The following CALD1 variants were observed in gnomAD, a reference collection of about 807,000 sequenced individuals.
CALD1 encodes the protein caldesmon 1, also known as caldesmon.
CALD1 carries 33 observed loss-of-function variants against 99.9 expected under a neutral mutation model. That is an observed-to-expected ratio of 0.33 (90% confidence interval 0.25 to 0.44). CALD1 has a LOEUF of 0.44. Among genes scored for constraint, CALD1 ranks in the 20% least tolerant of loss-of-function variants. The pLI is 1.00. For missense variants in CALD1, 861 were observed against 962.1 expected (o/e 0.89, Z 1.39); for synonymous variants, 310 against 325.0 (o/e 0.95, Z 0.50).
chr7:134,935,677 A>C lies in CALD1; in HGVS notation c.1309-11A>C. The C allele has an allele frequency of 1.9e-6, 3 of 1,602,544 alleles. No homozygotes were observed. Among genetic ancestry groups the C allele is most frequent in the Non-Finnish European group, 2.6e-6 (3 of 1,174,916 alleles). ...TACTTGTGTGACCTTACCATTCTTGAAAATAAAAAGGGAGAAGAGAAGGGA... is the reference window on the plus strand; with the variant it reads ...TACTTGTGTGACCTTACCATTCTTGCAAATAAAAAGGGAGAAGAGAAGGGA... On this transcript the variant is annotated splice_polypyrimidine_tract_variant and intron_variant, in intron 5 of 14. Transcript: ENST00000361675.
chr7:134,914,816 G>A (rs937069464), intron 3 of CALD1, among the ~76,000 whole-genome samples: 2 of 152,150 alleles, frequency 1.3e-5, no homozygotes, highest in Non-Finnish European at 2.9e-5. Context: ...TGATCCCTTA[G>A]CTGGAATTGC....
upstream of CALD1, among the ~76,000 whole-genome samples, chr7:134,776,262 T>C (rs537220572): frequency 3.3e-5 from 5 of 152,158 alleles, no homozygotes; most frequent in Non-Finnish European, 7.4e-5. Context: ...TTGCTATATA[T>C]TTCTGGTAAA....
chr7:134,870,266 A>G (rs551888560), intron 3 of CALD1, among the ~76,000 whole-genome samples: 25 of 152,270 alleles, frequency 1.6e-4, no homozygotes, highest in African/African-American at 5.8e-4. Context: ...GAGGCTCAGG[A>G]CTGAGGATGT....
At chr7:134,936,220 T>C (rs1805961889) in intron 6 of CALD1, among the ~76,000 whole-genome samples, 1 of 152,204 alleles carries the variant, frequency 6.6e-6, no homozygotes, top group Admixed American at 6.5e-5. Context: ...CCCACACACA[T>C]CTCAGTAGAA....
upstream of CALD1, among the ~76,000 whole-genome samples, chr7:134,742,456 C>A (rs1345551960): frequency 6.6e-6 from 1 of 152,196 alleles, no homozygotes; most frequent in East Asian, 1.9e-4. Flanking sequence ...CTCCCAGCCT[C>A]CCAGCTGTGG....
chr7:134,794,262 G>A lies in CALD1; in HGVS notation c.-130+14513G>A, dbSNP rs9692091. 6.9e-3 allele frequency among the ~76,000 whole-genome samples: 1,050 copies of A among 152,242 alleles called. 17 individuals are homozygous for A. Among genetic ancestry groups the A allele is most frequent in the African/African-American group, 0.023 (960 of 41,524 alleles). On this transcript the variant is annotated intron_variant, in intron 1 of 14. Transcript: ENST00000361675. Reference sequence around the variant, plus strand: ...AGCCATGCCTGTTACTGTTACGGAGGCATGTTCTGTGTATGTGTCTAGGCT... The same window carrying A: ...AGCCATGCCTGTTACTGTTACGGAGACATGTTCTGTGTATGTGTCTAGGCT...
intron 3 of CALD1, among the ~76,000 whole-genome samples, chr7:134,910,966 C>T (rs943230550): frequency 1.3e-5 from 2 of 152,166 alleles, no homozygotes; most frequent in African/African-American, 4.8e-5. Context: ...CAAGAACCTA[C>T]CTAAGCAAAC....
At chr7:134,752,007 T>A (rs1239813156) in intron 1 of CALD1, among the ~76,000 whole-genome samples, 1 of 152,096 alleles carries the variant, frequency 6.6e-6, no homozygotes, top group Non-Finnish European at 1.5e-5. Flanking sequence ...TACTCTTGAG[T>A]CCTTTGATTC....
intron 7 of CALD1, among the ~76,000 whole-genome samples, chr7:134,945,815 T>C: frequency 6.6e-6 from 1 of 152,326 alleles, no homozygotes; most frequent in South Asian, 2.1e-4. Flanking sequence ...CATTAAGGAC[T>C]TTCCTGGAGC....
intron 3 of CALD1, chr7:134,920,336 T>C (rs538981010): frequency 7.1e-6 from 1 of 139,964 alleles, no homozygotes; most frequent in African/African-American, 2.5e-5. Context: ...TGCCTCCAAA[T>C]AGTTGATAAG....
intron 13 of CALD1, chr7:134,962,171 C>A (rs1415876073): frequency 6.6e-6 from 1 of 151,882 alleles, no homozygotes; most frequent in African/African-American, 2.4e-5. Context: ...AAAATTTGAT[C>A]CAGAACTTGG....
At chr7:134,957,673 G>A (rs138760768) in intron 9 of CALD1, among the ~76,000 whole-genome samples, 6 of 152,184 alleles carry the variant, frequency 3.9e-5, no homozygotes, top group Non-Finnish European at 7.4e-5. Flanking sequence ...TGCCTGCCTC[G>A]GCCTCTCAAA....
intron 1 of CALD1, among the ~76,000 whole-genome samples, chr7:134,744,660 A>T (rs1198794169): frequency 6.6e-6 from 1 of 152,160 alleles, no homozygotes; most frequent in South Asian, 2.1e-4. Flanking sequence ...CTAGAGCAAT[A>T]TTCTTCACCA....
chr7:134,798,490 T>C (rs896197203), intron 1 of CALD1, among the ~76,000 whole-genome samples: 3 of 152,230 alleles, frequency 2.0e-5, no homozygotes, highest in African/African-American at 4.8e-5. Context: ...TACCTGGCTG[T>C]TGAATTGCTG....
rs956192302 is a variant in CALD1, at chr7:134,835,570, C to T, written c.-129-8314C>T. Among the ~76,000 whole-genome samples the T allele has an allele frequency of 7.2e-5, 11 of 152,140 alleles. No individual in the cohort carries two copies. The East Asian group carries it at 9.6e-4, about 13-fold the overall frequency. ...AACAAGAACATATTATAAATAGGAA[C>T]ATGAAATGAATTTATTACATCAATA... On this transcript the variant is annotated intron_variant, in intron 1 of 14. Coordinates refer to ENST00000361675, the MANE Select transcript of CALD1 (RefSeq NM_033138.4).
chr7:134,844,996 A>G (rs902279627), intron 2 of CALD1, among the ~76,000 whole-genome samples: 1 of 152,202 alleles, frequency 6.6e-6, no homozygotes, highest in African/African-American at 2.4e-5. Flanking sequence ...TTTGGGGGAA[A>G]TACCATTCAG....
At chr7:134,748,893 C>T (rs1796659964) in intron 1 of CALD1, among the ~76,000 whole-genome samples, 1 of 152,034 alleles carries the variant, frequency 6.6e-6, no homozygotes, top group Admixed American at 6.6e-5. Flanking sequence ...GAGCAGTCCT[C>T]ATGTATGGGA....
At chr7:134,968,284 C>G in intron 14 of CALD1, 56 bp from the exon 15 acceptor site, 4 of 1,544,670 alleles carry the variant, frequency 2.6e-6, no homozygotes, top group Non-Finnish European at 3.6e-6. Flanking sequence ...TGAAACACTG[C>G]AGGCTGTCAG....
At chr7:134,738,562 T>C in the CALD1 span, among the ~76,000 whole-genome samples, 1 of 152,350 alleles carries the variant, frequency 6.6e-6, no homozygotes, top group South Asian at 2.1e-4. Context: ...CAATTAAATA[T>C]ATTTTCTAGT....
Sources: allele counts gnomAD v4.1 joint callset (sites outside exome capture counted in the v4.1 genomes callset), GRCh38; gene constraint gnomAD v4.1.1; transcripts MANE v1.5; gene names NCBI Gene and HGNC (gene_info 2026-07-23, HGNC 2026-07-21).